The following ANKS1B variants were observed in gnomAD, a reference collection of about 807,000 sequenced individuals.
ANKS1B encodes ankyrin repeat and sterile alpha motif domain-containing protein 1B.
Under a neutral mutation model 148.3 loss-of-function variants are expected in ANKS1B, and 36 were observed. The observed-to-expected ratio is 0.24, with a 90% CI of 0.19 to 0.32. The LOEUF is 0.32. Among genes scored for constraint, ANKS1B ranks in the 10% least tolerant of loss-of-function variants. The pLI is 1.00. For synonymous variants in ANKS1B, 542 were observed against 560.8 expected, an observed-to-expected ratio of 0.97 and a Z score of 0.47; for missense variants, 1,157 against 1,542.6, an observed-to-expected ratio of 0.75 and a Z score of 4.19.
intron 17 of ANKS1B, among the ~76,000 whole-genome samples, chr12:99,022,951 G>A (rs6538890): frequency 0.49 from 74,928 of 151,960 alleles, 20,369 homozygotes; most frequent in African/African-American, 0.74. Context: ...AATTTTGTCA[G>A]ATGTTCATAG....
At chr12:98,752,695 C>T (rs3847878) in intron 25 of ANKS1B, among the ~76,000 whole-genome samples, 5 of 152,176 alleles carry the variant, frequency 3.3e-5, no homozygotes, top group Admixed American at 3.3e-4. Flanking sequence ...AGCCCAGTGG[C>T]CCCAGGAGCC....
chr12:99,488,744 A>G (rs537746955), intron 10 of ANKS1B, among the ~76,000 whole-genome samples: 5 of 152,240 alleles, frequency 3.3e-5, no homozygotes, highest in African/African-American at 1.2e-4. Context: ...CCCACTTTCT[A>G]TTTTGTGCTT....
chr12:99,835,249 A>G (rs898964517), intron 1 of ANKS1B, among the ~76,000 whole-genome samples: 9 of 55,484 alleles, frequency 1.6e-4, no homozygotes, highest in African/African-American at 7.7e-4. Flanking sequence ...CCATCTCTAC[A>G]AAAAAAAAAA....
intron 15 of ANKS1B, among the ~76,000 whole-genome samples, chr12:99,092,303 C>T (rs151209611): frequency 4.4e-4 from 67 of 152,056 alleles, no homozygotes; most frequent in Middle Eastern, 6.8e-3. Flanking sequence ...GCAGGGGGTG[C>T]GGCTGGGGTT....
chr12:99,030,914 TTCTC>T (rs1421674683), intron 17 of ANKS1B, among the ~76,000 whole-genome samples: 2 of 152,210 alleles, frequency 1.3e-5, no homozygotes, highest in Admixed American at 6.5e-5. Flanking sequence ...AACTTCTGAC[TTCTC>T]TCTTTCTGAA....
chr12:98,982,877 TAGTC>T (rs1420892646), intron 17 of ANKS1B, among the ~76,000 whole-genome samples: 1 of 152,210 alleles, frequency 6.6e-6, no homozygotes, highest in Non-Finnish European at 1.5e-5. Flanking sequence ...ATGCAACACT[TAGTC>T]AGATTATATA....
chr12:99,517,472 C>G (rs1430247288), intron 9 of ANKS1B, among the ~76,000 whole-genome samples: 3 of 151,566 alleles, frequency 2.0e-5, no homozygotes, highest in Non-Finnish European at 4.4e-5. Flanking sequence ...AATCCCAACA[C>G]TTTGGGAGGC....
intron 8 of ANKS1B, among the ~76,000 whole-genome samples, chr12:99,742,620 G>T (rs1218856587): frequency 1.3e-5 from 2 of 151,812 alleles, no homozygotes; most frequent in African/African-American, 4.8e-5. Context: ...AGATCATGAG[G>T]TCAGGAGTTC....
intron 17 of ANKS1B, among the ~76,000 whole-genome samples, chr12:98,858,321 T>C (rs1595658386): frequency 6.6e-6 from 1 of 152,210 alleles, no homozygotes; most frequent in East Asian, 1.9e-4. Flanking sequence ...GCTGGTCAGA[T>C]GAATGTAAGA....
Position 99,806,395 on chromosome 12 carries a change from CACACTCACTTG to C in ANKS1B, c.667_669+8del. ...ATCACTTTTAAAGCATAGCTAAAAG[CACACTCACTTG>C]ACAGCTCACATCCATTCCTGCCTCC... is the stretch of plus-strand genomic sequence containing the variant. On this transcript the variant is annotated splice_donor_variant and splice_donor_5th_base_variant and coding_sequence_variant and intron_variant, in exon 4 of 27. Coordinates refer to ENST00000683438, the MANE Select transcript of ANKS1B (RefSeq NM_001352186.2). LOFTEE classifies it high-confidence loss of function. 1 of 1,612,856 alleles carries C rather than the reference CACACTCACTTG, an allele frequency of 6.2e-7. No individual in the cohort carries two copies. Among genetic ancestry groups the C allele is most frequent in the Non-Finnish European group, 8.5e-7 (1 of 1,179,596 alleles).
intron 1 of ANKS1B, among the ~76,000 whole-genome samples, chr12:99,911,409 A>G (rs1224757168): frequency 6.6e-6 from 1 of 152,224 alleles, no homozygotes; most frequent in African/African-American, 2.4e-5. Flanking sequence ...TCAAGGTCCT[A>G]TCAGCTTAAA....
chr12:99,922,748 G>A (rs2094389550), intron 1 of ANKS1B, among the ~76,000 whole-genome samples: 1 of 152,140 alleles, frequency 6.6e-6, no homozygotes, highest in African/African-American at 2.4e-5. Flanking sequence ...AGAAATTCAA[G>A]AGGTGATTAG....
chr12:98,766,759 A>C (rs568360688), intron 25 of ANKS1B, among the ~76,000 whole-genome samples: 1 of 152,280 alleles, frequency 6.6e-6, no homozygotes, highest in African/African-American at 2.4e-5. Flanking sequence ...CAGGGACCTC[A>C]AACTACTCCA....
rs189652737 is a variant in ANKS1B, at chr12:99,771,003, A to T, written c.1128+1919T>A. On this transcript the variant is annotated intron_variant, in intron 8 of 26. Transcript: ENST00000683438. ...TTCTTTCTTGCCACTATCACAATAC[A>T]GTCTTTGGCTTACAAAAAAAATTGA... 1.4e-3 allele frequency among the ~76,000 whole-genome samples: 209 copies of T among 152,222 alleles called. 1 individual carries two copies. The highest frequency in any genetic ancestry group is 2.1e-3 in the Non-Finnish European group (144 of 67,966).
intron 10 of ANKS1B, among the ~76,000 whole-genome samples, chr12:99,468,039 C>T (rs906166906): frequency 1.5e-4 from 22 of 151,152 alleles, no homozygotes; most frequent in African/African-American, 4.1e-4. Flanking sequence ...CTTCAAACTA[C>T]ACTACAAGGC....
chr12:99,813,720 A>G (rs1049001901), intron 2 of ANKS1B, among the ~76,000 whole-genome samples: 1 of 151,806 alleles, frequency 6.6e-6, no homozygotes, highest in Non-Finnish European at 1.5e-5. Context: ...AGAAATATTT[A>G]GAATCCAAGG....
At chr12:99,011,224 T>C (rs183595893) in intron 17 of ANKS1B, among the ~76,000 whole-genome samples, 2 of 152,314 alleles carry the variant, frequency 1.3e-5, no homozygotes, top group East Asian at 3.9e-4. Context: ...AATAAATGTA[T>C]GTTGTTTGAA....
chr12:99,788,424 C>T (rs567259828), intron 4 of ANKS1B, among the ~76,000 whole-genome samples: 69 of 152,124 alleles, frequency 4.5e-4, no homozygotes, highest in Non-Finnish European at 7.6e-4. Flanking sequence ...GGATTCATCA[C>T]CTGCTGACTA....
intron 19 of ANKS1B, among the ~76,000 whole-genome samples, chr12:98,813,452 A>T (rs569094897): frequency 6.6e-6 from 1 of 151,550 alleles, no homozygotes; most frequent in African/African-American, 2.4e-5. Context: ...CCTGGGCTCA[A>T]GCGATCTGCC....
Sources: gnomAD v4.1 joint callset for allele counts (sites outside exome capture counted in the v4.1 genomes callset) on GRCh38, gnomAD v4.1.1 for gene constraint, MANE v1.5 for transcripts, NCBI Gene and HGNC (gene_info 2026-07-23, HGNC 2026-07-21) for gene names.